APOB: variants seen among roughly 807,000 people sequenced by gnomAD.
APOB encodes apolipoprotein B-100.
Under a neutral mutation model 314.1 loss-of-function variants are expected in APOB, and 153 were observed. The ratio of observed to expected loss-of-function variants is 0.49; its 90% confidence interval spans 0.43 to 0.56. The LOEUF is 0.56. APOB is among the 20% of genes least tolerant of loss of function. The pLI, the probability that APOB is intolerant of heterozygous loss-of-function variation, is 0.00. For synonymous variants in APOB, 2,087 were observed against 2,036.4 expected, an observed-to-expected ratio of 1.02 and a Z score of -0.67; for missense variants, 5,430 against 5,350.7, an observed-to-expected ratio of 1.01 and a Z score of -0.46.
chr2:21,010,284 T>A lies in APOB; in HGVS notation c.6584A>T (p.Lys2195Ile). 1 of 1,550,776 alleles carries A rather than the reference T, an allele frequency of 6.4e-7. No homozygotes were observed. The highest frequency in any genetic ancestry group is 1.2e-5 in the South Asian group (1 of 80,120). ...ATCAATAATATTAGCAATAGCTATT[T>A]TCAAATCATGTAAATCATAACTATC... ...IKDSYDLHDL[K>I]IAIANIIDEI... Residue 2195 changes from lysine (K) to isoleucine (I), a missense_variant, in exon 26 of 29, where the codon AAA becomes ATA. By Grantham distance (102) the Lys-to-Ile change is moderately radical (BLOSUM62 -3). Around this residue, in one of 3 missense-constraint regions of APOB, gnomAD observed 3,281 missense variants for 3,171.0 expected, o/e 1.03. Coordinates refer to ENST00000233242, the MANE Select transcript of APOB (RefSeq NM_000384.3).
Position 21,015,280 on chromosome 2 carries a change from A to G in APOB, c.3509-20T>C. On this transcript the variant is annotated intron_variant, in intron 22 of 28. Transcript: ENST00000233242. ...CTTCATCTGAAAATACGTAGGAAAT[A>G]GTTGTGAATGGTACTAGTTCAGCCT... 1 of 1,613,900 alleles carries G rather than the reference A, an allele frequency of 6.2e-7. No homozygotes were observed. The highest frequency in any genetic ancestry group is 8.5e-7 in the Non-Finnish European group (1 of 1,179,768).
chr2:21,035,855 C>G, intron 6 of APOB, 147 bp from the exon 7 acceptor site: 1 of 861,196 alleles, frequency 1.2e-6, no homozygotes, highest in Non-Finnish European at 1.9e-6. Context: ...ACATTTAGAC[C>G]AGGGGGTGCA....
Position 21,027,062 on chromosome 2 carries a change from A to G in APOB, c.2068-98T>C, listed in dbSNP as rs3828293. On this transcript the variant is annotated intron_variant, in intron 14 of 28. Coordinates refer to ENST00000233242, the MANE Select transcript of APOB (RefSeq NM_000384.3). ...TTGATGTCCATTTATCTAAACAAGT[A>G]TTTGAATACCACAGGCCAGGAGCTG... 1.6e-4 allele frequency: 170 copies of G among 1,092,758 alleles called. No homozygotes were observed. The East Asian group carries it at 4.1e-3, about 27-fold the overall frequency. The allele number at this position is 1,092,758 out of a possible 1,614,324, so 67.7% of individuals were successfully genotyped here.
rs145849843 is a variant in APOB at position 21,029,738 on chromosome 2, G to C, written c.1518C>G (p.Leu506=). 49 of 1,614,042 alleles carry C rather than the reference G, an allele frequency of 3.0e-5. No individual in the cohort carries two copies. Among genetic ancestry groups the C allele is most frequent in the Middle Eastern group, 3.3e-4 (2 of 6,084 alleles). The change falls in exon 12 of 29, where the codon CTC becomes CTG. Residue 506 remains leucine, a synonymous_variant. Coordinates refer to ENST00000233242, the MANE Select transcript of APOB (RefSeq NM_000384.3). The part of the protein sequence containing the change: ...GQTMEQLTPE[L]KSSILKCVQS... ...GGACACATTTCAGGATTGAAGACTT[G>C]AGTTCTGGAGTTAACTGCTCCATGG...
chr2:21,034,464 T>C (rs1025641987), intron 8 of APOB, among the ~76,000 whole-genome samples: 1 of 152,232 alleles, frequency 6.6e-6, no homozygotes, highest in Non-Finnish European at 1.5e-5. Flanking sequence ...CTGAGGTTAC[T>C]ATCTGGCCAG....
At chr2:21,024,902 C>T (rs1210173624) in intron 16 of APOB, 31 bp downstream of exon 16, 2 of 1,612,216 alleles carry the variant, frequency 1.2e-6, no homozygotes. Context: ...CGTCTGGTCT[C>T]ATGGGCCCCC....
chr2:21,012,522 G>A lies in APOB; in HGVS notation c.4346C>T (p.Ser1449Leu). ...TGCATCGAATATTAGTAAACCTTTT[G>A]AGACTGGGTTGTTTCCAAGTTTTTC... ...HVEKLGNNPVSKGLLIFDASS... is the reference protein window; with the variant it reads ...HVEKLGNNPVLKGLLIFDASS... The change falls in exon 26 of 29, where the codon TCA (serine) becomes TTA (leucine). Residue 1449 changes from serine (S) to leucine (L), a missense_variant. Coordinates refer to ENST00000233242, the MANE Select transcript of APOB (RefSeq NM_000384.3). 1 of 1,614,194 alleles carries A rather than the reference G, an allele frequency of 6.2e-7. No individual in the cohort carries two copies. Among genetic ancestry groups the A allele is most frequent in the Non-Finnish European group, 8.5e-7 (1 of 1,180,030 alleles).
chr2:21,005,921 C>G lies in APOB; in HGVS notation c.10947G>C (p.Glu3649Asp). 1 of 1,613,890 alleles carries G rather than the reference C, an allele frequency of 6.2e-7. No homozygotes were observed. The highest frequency in any genetic ancestry group is 8.5e-7 in the Non-Finnish European group (1 of 1,179,950). ...IHSGSFQSQV[E>D]LSNDQEKAHL... ...GTGCCTTTTCTTGGTCATTGGAAAGCTCGACCTGGCTCTGGAAAGACCCAG... is the reference window on the plus strand; with the variant it reads ...GTGCCTTTTCTTGGTCATTGGAAAGGTCGACCTGGCTCTGGAAAGACCCAG... Residue 3649 changes from glutamate to aspartate, a missense_variant, in exon 26 of 29, where the codon GAG becomes GAC. This residue lies in a region of APOB where 3,281 missense variants were observed against 3,171.0 expected (regional missense o/e 1.03). Coordinates refer to ENST00000233242, the MANE Select transcript of APOB (RefSeq NM_000384.3).
At chr2:21,025,147 G>A (rs1429207143) in intron 15 of APOB, 23 bp from the exon 16 acceptor site, 5 of 1,609,044 alleles carry the variant, frequency 3.1e-6, no homozygotes, top group Non-Finnish European at 3.4e-6. Context: ...TAATAAAATG[G>A]CCAGTGAGAT....
intron 26 of APOB, 126 bp downstream of exon 26, chr2:21,004,954 T>C (rs968800164): frequency 3.7e-6 from 5 of 1,333,726 alleles, no homozygotes; most frequent in African/African-American, 1.4e-5. Flanking sequence ...TGTATCTCTT[T>C]TCTTACTTAA....
In APOB at chr2:21,002,040, T is replaced by C; in HGVS notation, c.13382A>G (p.Lys4461Arg). ...AAGCTCTGCAATCTTCTCTTTCCCTTTTCCATCTGGATCGGTAAGGATGCT... is the reference window on the plus strand; with the variant it reads ...AAGCTCTGCAATCTTCTCTTTCCCTCTTCCATCTGGATCGGTAAGGATGCT... ...YLSILTDPDGKGKEKIAELSA... is the reference protein window; with the variant it reads ...YLSILTDPDGRGKEKIAELSA... Residue 4461 changes from lysine to arginine, a missense_variant, in exon 29 of 29, where the codon AAA becomes AGA. Coordinates refer to ENST00000233242, the MANE Select transcript of APOB (RefSeq NM_000384.3). 2 of 1,614,026 alleles carry C rather than the reference T, an allele frequency of 1.2e-6. No homozygotes were observed. Among genetic ancestry groups the C allele is most frequent in the Non-Finnish European group, 1.7e-6 (2 of 1,179,974 alleles).
chr2:21,019,001 G>C lies in APOB; in HGVS notation c.3112C>G (p.Gln1038Glu). ...TGTTTTGAATACTCACCTTCTGCTT[G>C]AGTTACAAACTTCAGGGTATCCACC... is the stretch of plus-strand genomic sequence containing the variant. ...ALVDTLKFVTQAEGAKQTEAT... is the reference protein window; with the variant it reads ...ALVDTLKFVTEAEGAKQTEAT... The change falls in exon 20 of 29, where the codon CAA (glutamine) becomes GAA (glutamate). Residue 1038 changes from glutamine (Q) to glutamate (E), a missense_variant. This residue lies in a region of APOB where 2,085 missense variants were observed against 2,079.7 expected (regional missense o/e 1.00). Coordinates refer to ENST00000233242, the MANE Select transcript of APOB (RefSeq NM_000384.3). The C allele has an allele frequency of 1.9e-6, 3 of 1,613,998 alleles. No individual in the cohort carries two copies. The highest frequency in any genetic ancestry group is 2.5e-6 in the Non-Finnish European group (3 of 1,180,000).
intron 6 of APOB, among the ~76,000 whole-genome samples, 188 bp from the exon 7 acceptor site, chr2:21,035,896 C>T (rs753765191): frequency 6.6e-6 from 1 of 152,190 alleles, no homozygotes; most frequent in Non-Finnish European, 1.5e-5. Context: ...CTGAGTCAAG[C>T]TGTAGACTCC....
intron 1 of APOB, 39 bp downstream of exon 1, chr2:21,043,825 C>T: frequency 6.5e-7 from 1 of 1,534,844 alleles, no homozygotes; most frequent in Non-Finnish European, 8.7e-7. Context: ...CCGGCTCCCT[C>T]CCGCTCCCTC....
chr2:21,022,057 T>C (rs1202062980), intron 18 of APOB, among the ~76,000 whole-genome samples: 6 of 152,190 alleles, frequency 3.9e-5, no homozygotes, highest in Admixed American at 6.5e-5. Context: ...TTGGGCTCAG[T>C]TGATCCTCCC....
rs1663210600 is a variant in APOB, at chr2:21,008,429, T to C, written c.8439A>G (p.Gln2813=). The C allele has an allele frequency of 6.2e-7, 1 of 1,614,076 alleles. No homozygotes were observed. Residue 2813 remains glutamine, a synonymous_variant, in exon 26 of 29, where the codon CAA becomes CAG. Transcript: ENST00000233242. ...GCGGATTAATCTTAGGGTTTGAGAG[T>C]TGTGCATTTGCTTGAAAATCAAAAT... ...VLNFDFQANA[Q]LSNPKINPLA...
rs1054623515 is a variant in APOB, at chr2:21,043,934, C to T, written c.12G>A (p.Pro4=). MDP[P]RPALLALLAL... ...CCAGCAGCGCCAGCAGCGCGGGCCTCGGCGGGTCCATCGCCAGCTGCGGTG... is the reference window on the plus strand; with the variant it reads ...CCAGCAGCGCCAGCAGCGCGGGCCTTGGCGGGTCCATCGCCAGCTGCGGTG... Residue 4 remains proline (P), a synonymous_variant, in exon 1 of 29, where the codon CCG becomes CCA. Coordinates refer to ENST00000233242, the MANE Select transcript of APOB (RefSeq NM_000384.3). The T allele has an allele frequency of 1.1e-5, 15 of 1,361,624 alleles. No individual in the cohort carries two copies. The highest frequency in any genetic ancestry group is 6.5e-5 in the East Asian group (2 of 31,002). The allele number at this position is 1,361,624 out of a possible 1,614,324, so 84.3% of individuals were successfully genotyped here. A position where few individuals can be genotyped will look rare whatever the true frequency, so the allele number is the denominator to read the frequency against.
rs1322303961 is a variant in APOB at position 21,026,781 on chromosome 2, T to C, written c.2244+7A>G. ...TTTCCTTAAGAAGATACTTCACAAA[T>C]ACACACCTGCTCATGTTTATCATCT... On this transcript the variant is annotated splice_region_variant and intron_variant, in intron 15 of 28. Transcript: ENST00000233242. The C allele has an allele frequency of 6.2e-7, 1 of 1,611,234 alleles. No individual in the cohort carries two copies. Among genetic ancestry groups the C allele is most frequent in the Non-Finnish European group, 8.5e-7 (1 of 1,177,438 alleles).
intron 23 of APOB, 107 bp from the exon 24 acceptor site, chr2:21,014,700 C>A (rs887475899): frequency 5.2e-6 from 6 of 1,147,106 alleles, no homozygotes; most frequent in Non-Finnish European, 7.7e-6. Flanking sequence ...TTAAGCTGGA[C>A]AATGCACTGA....
Sources: gnomAD v4.1 joint callset for allele counts (sites outside exome capture counted in the v4.1 genomes callset) on GRCh38, gnomAD v4.1.1 for gene constraint, gnomAD v4.1.1 regional missense constraint, MANE v1.5 for transcripts, NCBI Gene and HGNC (gene_info 2026-07-23, HGNC 2026-07-21) for gene names.